Variants in MSL1 observed in about 807,000 individuals in gnomAD.
The protein encoded by MSL1 is MSL complex subunit 1.
A neutral mutation model predicts 64.6 loss-of-function variants in MSL1; 21 were observed. The ratio of observed to expected loss-of-function variants is 0.33; its 90% CI spans 0.23 to 0.47. The LOEUF is 0.47. Ranked by LOEUF, MSL1 falls within the 20% of genes least tolerant of loss-of-function variation. The pLI is 1.00. For missense variants in MSL1, 664 were observed against 793.2 expected (o/e 0.84, Z 1.96); for synonymous variants, 339 against 329.6 (o/e 1.03, Z -0.31).
At chr17:40,128,405 C>T (rs1446650060) in intron 2 of MSL1, among the ~76,000 whole-genome samples, 2 of 134,356 alleles carry the variant, frequency 1.5e-5, no homozygotes, top group East Asian at 4.7e-4. Context: ...GACAGAGTCT[C>T]ACTCTGTCGC....
Position 40,132,024 on chromosome 17 carries a change from T to C in MSL1, c.1424-10T>C, listed in dbSNP as rs765785172. 25 of 1,578,176 alleles carry C rather than the reference T, an allele frequency of 1.6e-5. No individual in the cohort carries two copies. Among genetic ancestry groups the C allele is most frequent in the South Asian group, 5.8e-5 (5 of 86,426 alleles). ...CTCCTCCCTTTCTTTTTCTCTCTCT[T>C]TTTTTTCAGTTCCTTCTTGGAGGGA... On this transcript the variant is annotated splice_polypyrimidine_tract_variant and intron_variant, in intron 4 of 8. Transcript: ENST00000398532.
At position 40,134,446 on chromosome 17, in the gene MSL1, C is replaced by T. The variant is rs1385404511; in HGVS notation, c.*77C>T. 8.5e-7 allele frequency: 1 copy of T among 1,171,802 alleles called. No homozygotes were observed. The highest frequency in any genetic ancestry group is 1.2e-6 in the Non-Finnish European group (1 of 802,234). The allele number at this position is 1,171,802 out of a possible 1,614,324, so 72.6% of individuals were successfully genotyped here. On this transcript the variant is annotated 3_prime_UTR_variant, in exon 9 of 9. Coordinates refer to ENST00000398532, the MANE Select transcript of MSL1 (RefSeq NM_001365919.1). ...GAGTGGCAGAGACCTGTATATGTGA[C>T]CTTTGTCCTCACATATGTTATCACT...
rs907139002 is a variant in MSL1 at position 40,123,130 on chromosome 17, C to A, written c.518C>A (p.Pro173Gln). 1.2e-5 allele frequency: 19 copies of A among 1,532,458 alleles called. No homozygotes were observed. Among genetic ancestry groups the A allele is most frequent in the Non-Finnish European group, 1.7e-5 (19 of 1,145,448 alleles). 94.9% of individuals were successfully genotyped at this position (1,532,458 alleles called of 1,614,324 possible). ...ACCGCCTCGGACCCGGCGGGACCCCCACCACTACCTCTGCCCGGGCCGCCA... is the reference window on the plus strand; with the variant it reads ...ACCGCCTCGGACCCGGCGGGACCCCAACCACTACCTCTGCCCGGGCCGCCA... ...AATASDPAGP[P>Q]PLPLPGPPPL... is the part of the protein sequence containing the mutation. The change falls in exon 1 of 9, where the codon CCA (proline) becomes CAA (glutamine). Residue 173 changes from proline to glutamine, a missense_variant. Physicochemically the swap from Pro to Gln is moderately conservative, Grantham distance 76 (BLOSUM62 -1). Transcript: ENST00000398532.
At chr17:40,126,098 CTAT>C in intron 1 of MSL1, 82 bp from the exon 2 acceptor site, 1 of 1,198,454 alleles carries the variant, frequency 8.3e-7, no homozygotes, top group Non-Finnish European at 1.2e-6. Flanking sequence ...AGGCAGAAGA[CTAT>C]ACTGATTCCT....
intron 2 of MSL1, 31 bp downstream of exon 2, chr17:40,126,437 C>G: frequency 6.4e-7 from 1 of 1,572,910 alleles, no homozygotes; most frequent in Admixed American, 1.7e-5. Context: ...GATGAGGACC[C>G]TTGTTACCAG....
chr17:40,129,439 C>A lies in MSL1; in HGVS notation c.1187C>A (p.Thr396Asn), dbSNP rs1242760720. The change falls in exon 3 of 9, where the codon ACC becomes AAC. Residue 396 changes from threonine (T) to asparagine (N), a missense_variant. Thr to Asn is a moderately conservative substitution (Grantham distance 65, BLOSUM62 0). Around this residue, in one of 4 missense-constraint regions of MSL1, gnomAD observed 119 missense variants for 164.3 expected, o/e 0.72. Transcript: ENST00000398532. ...GAAAAGCCCCGGTCTTCAGTGGACA[C>A]CCCACCAAGACTCTCCACTCCCCAA... ...TPEKPRSSVD[T>N]PPRLSTPQKG... The A allele has an allele frequency of 6.2e-7, 1 of 1,613,440 alleles. No individual in the cohort carries two copies. The highest frequency in any genetic ancestry group is 8.5e-7 in the Non-Finnish European group (1 of 1,179,740).
Position 40,131,930 on chromosome 17 carries a change from T to C in MSL1, c.1424-104T>C. The C allele has an allele frequency of 2.5e-6, 2 of 804,270 alleles. No individual in the cohort carries two copies. The highest frequency in any genetic ancestry group is 2.0e-6 in the Non-Finnish European group (1 of 497,158). 49.8% of individuals were successfully genotyped at this position (804,270 alleles called of 1,614,324 possible). ...ATTCCTATCACTTGGTAACTTTGTC[T>C]CTTCTGGGGAGAGACCTCTTATCCT... On this transcript the variant is annotated intron_variant, in intron 4 of 8. Transcript: ENST00000398532. The surrounding 1 kb of genome is among the most constrained non-coding windows in gnomAD (Gnocchi z 4.5).
rs1301339859 is a variant in MSL1 at position 40,134,269 on chromosome 17, T to C, written c.1755-10T>C. The C allele has an allele frequency of 2.6e-6, 4 of 1,552,930 alleles. No homozygotes were observed. The East Asian group carries it at 7.3e-5, about 28-fold the overall frequency. The stretch of plus-strand genomic sequence containing the variant: ...TCTTGCAAGTTGATTTCCTCATCCT[T>C]TTTTGCCAGGAATTTTGAGCTACCC... On this transcript the variant is annotated splice_polypyrimidine_tract_variant and intron_variant, in intron 8 of 8. Transcript: ENST00000398532.
In MSL1 at chr17:40,123,384, C is replaced by T. The variant is rs930991516; in HGVS notation, c.768+4C>T. ...GCTGAAGTCAGAGAGAGACACGGTA[C>T]GGGAGGGGTTAATCTGCATTCGGGC... On this transcript the variant is annotated splice_donor_region_variant and intron_variant, in intron 1 of 8. Coordinates refer to ENST00000398532, the MANE Select transcript of MSL1 (RefSeq NM_001365919.1). 2 of 1,535,612 alleles carry T rather than the reference C, an allele frequency of 1.3e-6. No individual in the cohort carries two copies. Among genetic ancestry groups the T allele is most frequent in the African/African-American group, 1.4e-5 (1 of 73,058 alleles).
At chr17:40,125,903 G>A (rs534172776) in intron 1 of MSL1, among the ~76,000 whole-genome samples, 134 of 152,346 alleles carry the variant, frequency 8.8e-4, no homozygotes, top group Middle Eastern at 3.4e-3. Context: ...GCATGTTACG[G>A]CCCTTCCCAG....
Position 40,122,447 on chromosome 17 carries a change from G to C in MSL1, c.-166G>C. The C allele has an allele frequency of 2.3e-6, 1 of 443,270 alleles. No individual in the cohort carries two copies. The highest frequency in any genetic ancestry group is 3.8e-6 in the Non-Finnish European group (1 of 264,846). The allele number at this position is 443,270 out of a possible 1,614,324, so 27.5% of individuals were successfully genotyped here. A position where few individuals can be genotyped will look rare whatever the true frequency, so the allele number is the denominator to read the frequency against. The stretch of plus-strand genomic sequence containing the variant: ...CCTCCACGTCTCCGCACGCCGGCGG[G>C]ATGGCGCCCGGGCCCCGGAGGAGCC... On this transcript the variant is annotated 5_prime_UTR_variant, in exon 1 of 9. Coordinates refer to ENST00000398532, the MANE Select transcript of MSL1 (RefSeq NM_001365919.1). This position sits in a 1 kb window ranked among gnomAD's most constrained non-coding sequence, Gnocchi z 4.2.
Position 40,129,273 on chromosome 17 carries a change from A to C in MSL1, c.1021A>C (p.Lys341Gln), listed in dbSNP as rs1195346868. 35 of 1,569,468 alleles carry C rather than the reference A, an allele frequency of 2.2e-5. No individual in the cohort carries two copies. Among genetic ancestry groups the C allele is most frequent in the Non-Finnish European group, 2.8e-5 (33 of 1,166,170 alleles). ...ATCCCCATTTGGAAGTACAGAAAGA[A>C]AGACTCCTGTTAAAAAGCTGGCTCC... ...RKSPFGSTER[K>Q]TPVKKLAPEF... Residue 341 changes from lysine to glutamine, a missense_variant, in exon 3 of 9, where the codon AAG becomes CAG. Lys to Gln is a moderately conservative substitution (Grantham distance 53). This residue lies in a region of MSL1 where 466 missense variants were observed against 499.0 expected (regional missense o/e 0.93). Coordinates refer to ENST00000398532, the MANE Select transcript of MSL1 (RefSeq NM_001365919.1).
At chr17:40,132,997 A>G in intron 5 of MSL1, 45 bp from the exon 6 acceptor site, 1 of 1,550,842 alleles carries the variant, frequency 6.4e-7, no homozygotes, top group East Asian at 2.3e-5. Context: ...GTGTGTAACT[A>G]ATATATGGTG....
rs530370979 is a variant in MSL1 at position 40,133,747 on chromosome 17, G to A, written c.1682-80G>A. On this transcript the variant is annotated intron_variant, in intron 7 of 8. Transcript: ENST00000398532. ...GTACAACTTGCTCTGAATGAATGAA[G>A]TGTATTTTGGAGCAGATATAGCTTC... 54 of 1,610,394 alleles carry A rather than the reference G, an allele frequency of 3.4e-5. No homozygotes were observed. In the Admixed American group the frequency reaches 5.0e-4, roughly 15 times the overall value.
chr17:40,122,520 CTCCCCT>C lies in MSL1; in HGVS notation c.-92_-87del. 1 of 898,462 alleles carries C rather than the reference CTCCCCT, an allele frequency of 1.1e-6. No individual in the cohort carries two copies. The highest frequency in any genetic ancestry group is 2.6e-5 in the South Asian group (1 of 39,170). 55.7% of individuals were successfully genotyped at this position (898,462 alleles called of 1,614,324 possible). ...GCGCTGCTGAGGCGAGCCCGCCAAA[CTCCCCT>C]CCCCCCCCTCAGTCCTCGACCCCCC... On this transcript the variant is annotated 5_prime_UTR_variant, in exon 1 of 9. Coordinates refer to ENST00000398532, the MANE Select transcript of MSL1 (RefSeq NM_001365919.1). This position sits in a 1 kb window ranked among gnomAD's most constrained non-coding sequence, Gnocchi z 4.2.
In MSL1 at chr17:40,135,862, T is replaced by G. The variant is rs192672561; in HGVS notation, c.*1493T>G. 14 of 152,236 alleles carry G rather than the reference T, an allele frequency of 9.2e-5. 1 individual carries two copies. In the East Asian group the frequency reaches 2.3e-3, roughly 25 times the overall value. 9.4% of individuals were successfully genotyped at this position (152,236 alleles called of 1,614,324 possible). ...TTTTGTGTGTGTGTGTGTGTGTGTG[T>G]GGCTATGGGTTTTCATTTGTAACTC... On this transcript the variant is annotated 3_prime_UTR_variant, in exon 9 of 9. Transcript: ENST00000398532.
chr17:40,133,296 G>A lies in MSL1; in HGVS notation c.1556+187G>A, dbSNP rs935856594. 7 of 737,444 alleles carry A rather than the reference G, an allele frequency of 9.5e-6. No individual in the cohort carries two copies. The Admixed American group carries it at 1.7e-4, about 18-fold the overall frequency. The allele number at this position is 737,444 out of a possible 1,614,324, so 45.7% of individuals were successfully genotyped here. ...GGTAGTTGTTGCGGTAAACATGTTTGGCCTCTTTTTGTGTATGACCTTCCT... is the reference window on the plus strand; with the variant it reads ...GGTAGTTGTTGCGGTAAACATGTTTAGCCTCTTTTTGTGTATGACCTTCCT... On this transcript the variant is annotated intron_variant, in intron 6 of 8. Coordinates refer to ENST00000398532, the MANE Select transcript of MSL1 (RefSeq NM_001365919.1).
chr17:40,122,444 C>T lies in MSL1; in HGVS notation c.-169C>T. ...CGGCCTCCACGTCTCCGCACGCCGG[C>T]GGGATGGCGCCCGGGCCCCGGAGGA... is the stretch of plus-strand genomic sequence containing the variant. On this transcript the variant is annotated 5_prime_UTR_variant, in exon 1 of 9. Transcript: ENST00000398532. This position sits in a 1 kb window ranked among gnomAD's most constrained non-coding sequence, Gnocchi z 4.2. 4 of 433,240 alleles carry T rather than the reference C, an allele frequency of 9.2e-6. No homozygotes were observed. Among genetic ancestry groups the T allele is most frequent in the Non-Finnish European group, 7.8e-6 (2 of 256,506 alleles). 26.8% of individuals were successfully genotyped at this position (433,240 alleles called of 1,614,324 possible).
intron 3 of MSL1, chr17:40,129,850 A>G: frequency 5.9e-6 from 3 of 509,096 alleles, no homozygotes; most frequent in South Asian, 5.8e-5. Context: ...ACACTGGGAG[A>G]TGTGTTTGCC....
Sources: gnomAD v4.1 joint callset for allele counts (sites outside exome capture counted in the v4.1 genomes callset) on GRCh38, gnomAD v4.1.1 for gene constraint, gnomAD v4.1.1 regional missense constraint, Gnocchi (gnomAD v3.1) non-coding constraint, MANE v1.5 for transcripts, NCBI Gene and HGNC (gene_info 2026-07-23, HGNC 2026-07-21) for gene names.